BOD1: variants seen among roughly 807,000 people sequenced by gnomAD.
BOD1 encodes the protein biorientation of chromosomes in cell division 1, also known as biorientation of chromosomes in cell division protein 1.
A neutral mutation model predicts 15.7 loss-of-function variants in BOD1; 11 were observed. The ratio of observed to expected loss-of-function variants is 0.70; its 90% CI spans 0.44 to 1.16. BOD1 has a LOEUF of 1.16. Among genes scored for constraint, BOD1 ranks in the 50% most tolerant of loss-of-function variants. BOD1 has a pLI of 0.00. For missense variants in BOD1, 182 were observed against 244.5 expected (o/e 0.74, Z 1.70); for synonymous variants, 105 against 103.5 (o/e 1.01, Z -0.09).
Position 173,612,626 on chromosome 5 carries a change from T to C in BOD1, c.362+505A>G, listed in dbSNP as rs1581244517. 2.0e-5 allele frequency among the ~76,000 whole-genome samples: 3 copies of C among 152,390 alleles called. No homozygotes were observed. In the South Asian group the frequency reaches 6.2e-4, roughly 32 times the overall value. ...AGATAAGCTATCAATAGCACCTTTA[T>C]TAACTAAGGTTCAGTTTGTTACTGT... On this transcript the variant is annotated intron_variant, in intron 2 of 3. Transcript: ENST00000311086.
intron 1 of BOD1, 45 bp from the exon 2 acceptor site, chr5:173,613,300 CA>C: frequency 6.2e-7 from 1 of 1,608,996 alleles, no homozygotes; most frequent in Non-Finnish European, 8.5e-7. Flanking sequence ...TTATATGCAC[CA>C]AAGTTTTGAA....
chr5:173,616,324 G>A lies in BOD1; in HGVS notation c.113C>T (p.Pro38Leu). 2 of 1,533,532 alleles carry A rather than the reference G, an allele frequency of 1.3e-6. No homozygotes were observed. The highest frequency in any genetic ancestry group is 2.0e-5 in the Admixed American group (1 of 50,922). 95.0% of individuals were successfully genotyped at this position (1,533,532 alleles called of 1,614,324 possible). ...GATGASGGGG[P>L]INPASLPPGD... ...GGGAGGCAGCGAGGCCGGGTTGATGGGGCCACCGCCCCCGCTGGCCCCAGT... is the reference window on the plus strand; with the variant it reads ...GGGAGGCAGCGAGGCCGGGTTGATGAGGCCACCGCCCCCGCTGGCCCCAGT... Residue 38 changes from proline (P) to leucine (L), a missense_variant, in exon 1 of 4, where the codon CCC (proline) becomes CTC (leucine). By Grantham distance (98) the Pro-to-Leu change is moderately conservative (BLOSUM62 -3). This residue lies in a region of BOD1 where 72 missense variants were observed against 68.9 expected (regional missense o/e 1.05). Coordinates refer to ENST00000311086, the MANE Select transcript of BOD1 (RefSeq NM_138369.3).
chr5:173,615,437 T>C (rs527941620), intron 1 of BOD1, among the ~76,000 whole-genome samples: 320 of 152,342 alleles, frequency 2.1e-3, no homozygotes, highest in African/African-American at 7.3e-3. Flanking sequence ...GAGAAATCAC[T>C]ACCCTGCAGG....
intron 2 of BOD1, among the ~76,000 whole-genome samples, chr5:173,612,669 TA>T (rs1755386233): frequency 6.6e-6 from 1 of 152,254 alleles, no homozygotes; most frequent in Non-Finnish European, 1.5e-5. Context: ...GATACTTTAT[TA>T]AGACTATGCC....
intron 2 of BOD1, among the ~76,000 whole-genome samples, chr5:173,610,819 GA>G (rs1193010059): frequency 6.6e-6 from 1 of 152,198 alleles, no homozygotes; most frequent in Non-Finnish European, 1.5e-5. Flanking sequence ...GGGCCTTTGG[GA>G]GGCGATCGGG....
chr5:173,611,894 G>C (rs970967220), intron 2 of BOD1, among the ~76,000 whole-genome samples: 9 of 152,192 alleles, frequency 5.9e-5, no homozygotes, highest in South Asian at 2.1e-4. Context: ...TCAGTGTTTT[G>C]ATTTACTCAA....
At chr5:173,609,091 A>C (rs1212486419) in intron 3 of BOD1, 147 bp downstream of exon 3, 5 of 880,976 alleles carry the variant, frequency 5.7e-6, no homozygotes, top group African/African-American at 3.4e-5. Flanking sequence ...AGTTCTCAGT[A>C]AAAAGTGACT....
Position 173,608,247 on chromosome 5 carries a change from C to T in BOD1, c.*47G>A. 5 of 1,610,940 alleles carry T rather than the reference C, an allele frequency of 3.1e-6. No individual in the cohort carries two copies. Among genetic ancestry groups the T allele is most frequent in the Non-Finnish European group, 4.2e-6 (5 of 1,177,164 alleles). The stretch of plus-strand genomic sequence containing the variant: ...AAGTTGCACTCTTATGTAACCGAAT[C>T]CATTTCTTCACCAAAAATTAGCTTT... On this transcript the variant is annotated 3_prime_UTR_variant, in exon 4 of 4. Coordinates refer to ENST00000311086, the MANE Select transcript of BOD1 (RefSeq NM_138369.3).
In BOD1 at chr5:173,608,046, G is replaced by A; in HGVS notation, c.*248C>T. 3.5e-6 allele frequency: 2 copies of A among 573,320 alleles called. No homozygotes were observed. Among genetic ancestry groups the A allele is most frequent in the Non-Finnish European group, 6.3e-6 (2 of 319,844 alleles). The allele number at this position is 573,320 out of a possible 1,614,324, so 35.5% of individuals were successfully genotyped here. On this transcript the variant is annotated 3_prime_UTR_variant, in exon 4 of 4. Transcript: ENST00000311086. ...GGGTTGCTGTAGTGTTTCTCTCTCT[G>A]TAGTGTCTACTTGGTGTCATGCCCT...
intron 2 of BOD1, among the ~76,000 whole-genome samples, chr5:173,610,393 C>A (rs1486469554): frequency 6.6e-6 from 1 of 152,084 alleles, no homozygotes; most frequent in Non-Finnish European, 1.5e-5. Flanking sequence ...TACATCATGA[C>A]AAAGAAGATA....
chr5:173,611,542 A>G (rs1431531102), intron 2 of BOD1, among the ~76,000 whole-genome samples: 1 of 152,200 alleles, frequency 6.6e-6, no homozygotes, highest in African/African-American at 2.4e-5. Context: ...GAAAAAAAAA[A>G]AAACAACAAC....
intron 1 of BOD1, chr5:173,614,856 C>T (rs1168559789): frequency 6.6e-6 from 1 of 152,262 alleles, no homozygotes; most frequent in Non-Finnish European, 1.5e-5. Flanking sequence ...TAGTACTGAA[C>T]CCTATATACA....
At position 173,615,495 on chromosome 5, in the gene BOD1, C is replaced by T. The variant is rs1581246932; in HGVS notation, c.237+705G>A. ...ACCTACAACCACAGTCGTGGCTAGA[C>T]AAGTTTTGAAAAGGAAGAAAATGAA... On this transcript the variant is annotated intron_variant, in intron 1 of 3. Transcript: ENST00000311086. Among the ~76,000 whole-genome samples the T allele has an allele frequency of 2.0e-5, 3 of 152,312 alleles. No individual in the cohort carries two copies. The Middle Eastern group carries it at 0.01, about 518-fold the overall frequency.
chr5:173,613,377 AT>A (rs1439631818), intron 1 of BOD1, 122 bp from the exon 2 acceptor site: 1 of 1,184,832 alleles, frequency 8.4e-7, no homozygotes, highest in Non-Finnish European at 1.2e-6. Flanking sequence ...TCCACTGTGC[AT>A]GAAGATCACC....
chr5:173,615,467 C>G (rs1270162988), intron 1 of BOD1, among the ~76,000 whole-genome samples: 1 of 152,214 alleles, frequency 6.6e-6, no homozygotes, highest in Non-Finnish European at 1.5e-5. Context: ...ACAGGGTCTC[C>G]TAACCTACAA....
chr5:173,608,381 A>G (rs548778721), intron 3 of BOD1, 89 bp from the exon 4 acceptor site: 292 of 1,045,570 alleles, frequency 2.8e-4, no homozygotes, highest in Middle Eastern at 6.3e-4. Flanking sequence ...TTACAATTAA[A>G]AAGAAAGACT....
At chr5:173,608,331 T>A in intron 3 of BOD1, 39 bp from the exon 4 acceptor site, 8 of 1,253,040 alleles carry the variant, frequency 6.4e-6, no homozygotes, top group Non-Finnish European at 7.9e-6. Flanking sequence ...TGTTATTTAT[T>A]GATAACAGAC....
In BOD1 at chr5:173,612,401, C is replaced by T. The variant is rs529081575; in HGVS notation, c.362+730G>A. ...CTTGCACTTATTTGTGTGTGTAGCT[C>T]CGTGCGACTTTACCATACGAGCTGT... On this transcript the variant is annotated intron_variant, in intron 2 of 3. Coordinates refer to ENST00000311086, the MANE Select transcript of BOD1 (RefSeq NM_138369.3). 2.0e-5 allele frequency among the ~76,000 whole-genome samples: 3 copies of T among 152,334 alleles called. No individual in the cohort carries two copies. The East Asian group carries it at 5.8e-4, about 29-fold the overall frequency.
chr5:173,614,978 T>C (rs436494), intron 1 of BOD1: 48,978 of 152,206 alleles, frequency 0.32, 8,875 homozygotes, highest in East Asian at 0.71. Context: ...AGCAAAACCT[T>C]GGATGGGGCG....
Sources: gnomAD v4.1 joint callset for allele counts (sites outside exome capture counted in the v4.1 genomes callset) on GRCh38, gnomAD v4.1.1 for gene constraint, gnomAD v4.1.1 regional missense constraint, MANE v1.5 for transcripts, NCBI Gene and HGNC (gene_info 2026-07-23, HGNC 2026-07-21) for gene names.